Variants in RFTN2 observed in about 807,000 individuals in gnomAD.
RFTN2 encodes the protein raftlin-2.
Under a neutral mutation model 52.7 loss-of-function variants are expected in RFTN2, and 34 were observed. The ratio of observed to expected loss-of-function variants is 0.64; its 90% CI spans 0.49 to 0.86. The LOEUF (loss-of-function observed/expected upper bound fraction) is 0.86. RFTN2 is among the 40% of genes least tolerant of loss of function. RFTN2 has a pLI of 0.00. For missense variants in RFTN2, 536 were observed against 600.1 expected (o/e 0.89, Z 1.12); for synonymous variants, 203 against 217.7 (o/e 0.93, Z 0.59).
At chr2:197,645,433 C>T (rs534969880) in intron 2 of RFTN2, among the ~76,000 whole-genome samples, 2 of 151,874 alleles carry the variant, frequency 1.3e-5, no homozygotes, top group African/African-American at 2.4e-5. Flanking sequence ...AGAATGCATC[C>T]CTGTCATTAA....
intron 3 of RFTN2, among the ~76,000 whole-genome samples, chr2:197,634,242 T>G (rs757433916): frequency 3.9e-5 from 6 of 152,142 alleles, no homozygotes; most frequent in Non-Finnish European, 8.8e-5. Context: ...AAACAGGAAT[T>G]ATTTTTCCCT....
At chr2:197,662,323 A>C (rs2088988028) in intron 1 of RFTN2, among the ~76,000 whole-genome samples, 1 of 152,124 alleles carries the variant, frequency 6.6e-6, no homozygotes, top group South Asian at 2.1e-4. Context: ...ACAGATAGAT[A>C]GTGGTCTGGT....
chr2:197,647,452 C>A (rs2088769648), intron 1 of RFTN2, among the ~76,000 whole-genome samples: 3 of 152,154 alleles, frequency 2.0e-5, no homozygotes, highest in Non-Finnish European at 4.4e-5. Context: ...TCAAGCAAGC[C>A]TGCTGCCTTG....
intron 5 of RFTN2, among the ~76,000 whole-genome samples, chr2:197,618,724 A>G (rs1481836434): frequency 2.2e-4 from 30 of 135,962 alleles, no homozygotes; most frequent in Admixed American, 7.2e-5. Context: ...TGTGGGGAGC[A>G]CCTCTGCCCT....
At chr2:197,575,554 G>A (rs2087396902) in intron 8 of RFTN2, among the ~76,000 whole-genome samples, 1 of 151,828 alleles carries the variant, frequency 6.6e-6, no homozygotes, top group South Asian at 2.1e-4. Context: ...AATGCTCTTG[G>A]TTCAGTCCAG....
At chr2:197,640,747 C>G (rs2088659222) in intron 3 of RFTN2, among the ~76,000 whole-genome samples, 1 of 152,156 alleles carries the variant, frequency 6.6e-6, no homozygotes, top group African/African-American at 2.4e-5. Context: ...ATTCGGCCAT[C>G]TTGGCTCCTC....
At chr2:197,606,680 G>T (rs2087966729) in intron 7 of RFTN2, among the ~76,000 whole-genome samples, 1 of 151,340 alleles carries the variant, frequency 6.6e-6, no homozygotes, top group African/African-American at 2.4e-5. Flanking sequence ...GATATGAACA[G>T]ACACTTCTCA....
chr2:197,571,822 T>C lies in RFTN2; in HGVS notation c.*186A>G. 1.7e-6 allele frequency: 1 copy of C among 602,532 alleles called. No individual in the cohort carries two copies. The highest frequency in any genetic ancestry group is 2.9e-6 in the Non-Finnish European group (1 of 339,828). The allele number at this position is 602,532 out of a possible 1,614,324, so 37.3% of individuals were successfully genotyped here. Reference sequence around the variant, plus strand: ...AGAAGTGTAAACATGATTCTAAATGTATAAATATGTTGGTTATTCTTCCTT... The same window carrying C: ...AGAAGTGTAAACATGATTCTAAATGCATAAATATGTTGGTTATTCTTCCTT... On this transcript the variant is annotated 3_prime_UTR_variant, in exon 9 of 9. Transcript: ENST00000295049.
At chr2:197,615,117 C>T (rs762457727) in intron 7 of RFTN2, among the ~76,000 whole-genome samples, 3 of 152,094 alleles carry the variant, frequency 2.0e-5, no homozygotes, top group African/African-American at 4.8e-5. Context: ...GTTGCTAAAC[C>T]GGGAAGGCCA....
intron 8 of RFTN2, among the ~76,000 whole-genome samples, chr2:197,583,580 T>G (rs1390821923): frequency 6.6e-6 from 1 of 151,946 alleles, no homozygotes; most frequent in Admixed American, 6.6e-5. Flanking sequence ...AAGACACACT[T>G]CACCAAGCTC....
chr2:197,634,965 C>T (rs1190338897), intron 3 of RFTN2, among the ~76,000 whole-genome samples: 1 of 133,448 alleles, frequency 7.5e-6, no homozygotes, highest in African/African-American at 2.9e-5. Flanking sequence ...CAATTCCCAC[C>T]TATGAGTGAG....
At position 197,572,033 on chromosome 2, in the gene RFTN2, C is replaced by G; in HGVS notation, c.1481G>C (p.Gly494Ala). Residue 494 changes from glycine (G) to alanine (A), a missense_variant, in exon 9 of 9, where the codon GGA becomes GCA. By Grantham distance (60) the Gly-to-Ala change is moderately conservative (BLOSUM62 0). Coordinates refer to ENST00000295049, the MANE Select transcript of RFTN2 (RefSeq NM_144629.3). ...TCACATACAAGTGACCTGAGTCACT[C>G]CATCTTCCTGATCAAACTGTCCGTC... is the stretch of plus-strand genomic sequence containing the variant. ...LDDGQFDQED[G>A]VTQVTCM 2 of 1,614,224 alleles carry G rather than the reference C, an allele frequency of 1.2e-6. No individual in the cohort carries two copies. Among genetic ancestry groups the G allele is most frequent in the Non-Finnish European group, 1.7e-6 (2 of 1,180,034 alleles).
chr2:197,656,334 C>T (rs1037069994), intron 1 of RFTN2, among the ~76,000 whole-genome samples: 2 of 152,176 alleles, frequency 1.3e-5, no homozygotes, highest in African/African-American at 4.8e-5. Flanking sequence ...ACACTATTCT[C>T]TTTAAGAGCA....
At chr2:197,615,766 T>G (rs1158864675) in intron 7 of RFTN2, 110 bp downstream of exon 7, 1 of 629,070 alleles carries the variant, frequency 1.6e-6, no homozygotes, top group Non-Finnish European at 2.8e-6. Context: ...CGAAGCTCAG[T>G]GTAATGTTTT....
intron 8 of RFTN2, among the ~76,000 whole-genome samples, chr2:197,583,621 C>T (rs542254673): frequency 2.0e-5 from 3 of 150,458 alleles, no homozygotes; most frequent in Non-Finnish European, 4.4e-5. Flanking sequence ...CTGGACAGTA[C>T]TTCTTTTTTT....
intron 7 of RFTN2, among the ~76,000 whole-genome samples, chr2:197,608,142 T>C (rs770376993): frequency 2.6e-5 from 4 of 152,132 alleles, no homozygotes; most frequent in Admixed American, 1.3e-4. Flanking sequence ...AAGATTGAGA[T>C]TGAGATTGGG....
intron 1 of RFTN2, among the ~76,000 whole-genome samples, chr2:197,667,352 T>C (rs1437680356): frequency 6.6e-6 from 1 of 152,236 alleles, no homozygotes; most frequent in African/African-American, 2.4e-5. Context: ...TTTTCTGATT[T>C]ATTTGTATTA....
chr2:197,668,058 G>A (rs1364109074), intron 1 of RFTN2, among the ~76,000 whole-genome samples: 2 of 152,142 alleles, frequency 1.3e-5, no homozygotes, highest in Non-Finnish European at 2.9e-5. Context: ...AGTGCACCCT[G>A]GTGTTGGCAG....
chr2:197,661,121 T>C (rs1358135914), intron 1 of RFTN2, among the ~76,000 whole-genome samples: 1 of 152,202 alleles, frequency 6.6e-6, no homozygotes, highest in Non-Finnish European at 1.5e-5. Context: ...AGCTCCCATA[T>C]ATGAGTGAGA....
Sources: allele counts gnomAD v4.1 joint callset (sites outside exome capture counted in the v4.1 genomes callset), GRCh38; gene constraint gnomAD v4.1.1; transcripts MANE v1.5; gene names NCBI Gene and HGNC (gene_info 2026-07-23, HGNC 2026-07-21).